Variants in PCDH15 observed in about 807,000 individuals in gnomAD.
PCDH15 encodes protocadherin related 15.
A neutral mutation model predicts 178.5 loss-of-function variants in PCDH15; 129 were observed. The observed-to-expected ratio is 0.72, with a 90% CI of 0.63 to 0.84. The LOEUF (loss-of-function observed/expected upper bound fraction) is 0.84, where lower values mean the gene tolerates loss of function less well. PCDH15 is among the 40% of genes least tolerant of loss of function. PCDH15 has a pLI of 0.00. For synonymous variants in PCDH15, 800 were observed against 732.0 expected (o/e 1.09, Z -1.50); for missense variants, 2,230 against 2,099.9 (o/e 1.06, Z -1.21).
chr10:55,414,630 C>A (rs954503259), intron 2 of PCDH15, among the ~76,000 whole-genome samples: 2 of 151,198 alleles, frequency 1.3e-5, no homozygotes, highest in Non-Finnish European at 3.0e-5. Context: ...ATATTTTATT[C>A]TTTTTGATGC....
intron 2 of PCDH15, among the ~76,000 whole-genome samples, chr10:55,507,796 G>A (rs148031394): frequency 4.6e-4 from 70 of 151,638 alleles, no homozygotes; most frequent in African/African-American, 1.6e-3. Flanking sequence ...ATAATGGTTC[G>A]TTGTGTGGAA....
At chr10:54,636,585 G>T (rs1187966811) in intron 2 of PCDH15, among the ~76,000 whole-genome samples, 2 of 151,858 alleles carry the variant, frequency 1.3e-5, no homozygotes, top group Admixed American at 6.6e-5. Flanking sequence ...ACATATAATA[G>T]CAAATGAAGT....
rs186487774 is a variant in PCDH15, at chr10:53,891,337, A to G, written c.3501+11906T>C. 3.5e-4 allele frequency among the ~76,000 whole-genome samples: 53 copies of G among 152,302 alleles called. No homozygotes were observed. In the East Asian group the frequency reaches 0.01, roughly 29 times the overall value. On this transcript the variant is annotated intron_variant, in intron 26 of 37. Transcript: ENST00000644397. ...ATGGAGGATGTGGCCTTTGAAACAT[A>G]ATATAGGAGAGTACACACAATCATC...
In PCDH15 at chr10:54,556,654, A is replaced by ATT. The variant is rs35389224; in HGVS notation, c.92-28779_92-28778dup. Among the ~76,000 whole-genome samples, 142 of 137,474 alleles carry ATT rather than the reference A, an allele frequency of 1.0e-3. No individual in the cohort carries two copies. In the Middle Eastern group the frequency reaches 0.016, roughly 15 times the overall value. 90.2% of individuals were successfully genotyped at this position (137,474 alleles called of 152,430 possible). On this transcript the variant is annotated intron_variant, in intron 2 of 37. Coordinates refer to ENST00000644397, the MANE Select transcript of PCDH15 (RefSeq NM_001384140.1). ...TTTTTTTTTCGGCTGTAGGGGGTGA[A>ATT]TTTTTTTTTTTTTTCAGTGAGAGCA... is the stretch of plus-strand genomic sequence containing the variant.
intron 1 of PCDH15, among the ~76,000 whole-genome samples, chr10:54,693,106 A>G (rs1323524311): frequency 6.6e-6 from 1 of 151,646 alleles, no homozygotes; most frequent in Non-Finnish European, 1.5e-5. Flanking sequence ...TTGTAGAGTA[A>G]CTCCCACTTA....
chr10:55,022,056 A>G (rs1045403851), intron 2 of PCDH15, among the ~76,000 whole-genome samples: 2 of 152,152 alleles, frequency 1.3e-5, no homozygotes, highest in African/African-American at 4.8e-5. Flanking sequence ...GGGGAATGGG[A>G]AGGTGTTGGT....
At chr10:55,306,384 C>T (rs1256259703) in intron 1 of PCDH15, among the ~76,000 whole-genome samples, 1 of 152,208 alleles carries the variant, frequency 6.6e-6, no homozygotes, top group Admixed American at 6.5e-5. Context: ...TCCTATCAAT[C>T]TTTCACCTCC....
At chr10:54,804,927 T>TATATATATATATATATATATATATATATA (rs1952750730), upstream of PCDH15, among the ~76,000 whole-genome samples, 12 of 50,844 alleles carry the variant, frequency 2.4e-4, 1 homozygote, top group East Asian at 1.9e-3. Context: ...TCATAGTAGA[T>TATATATATATATATATATATATATATATA]TATATATATA....
chr10:55,281,541 C>A (rs1025300912), intron 1 of PCDH15, among the ~76,000 whole-genome samples: 1 of 151,900 alleles, frequency 6.6e-6, no homozygotes, highest in African/African-American at 2.4e-5. Flanking sequence ...TCCGCCTACC[C>A]TTTTTATTGA....
In PCDH15 at chr10:54,292,462, T is replaced by C. The variant is rs548662266; in HGVS notation, c.876+24809A>G. ...CTCCTTTTCAACATAGTGTTGGAAG[T>C]TCTGGTCAGGCAAATCAGGCAAGAG... On this transcript the variant is annotated intron_variant, in intron 8 of 37. Transcript: ENST00000644397. Among the ~76,000 whole-genome samples the C allele has an allele frequency of 3.3e-5, 5 of 152,310 alleles. No homozygotes were observed. In the South Asian group the frequency reaches 1.0e-3, roughly 32 times the overall value.
At chr10:54,594,906 T>C (rs2092125952) in intron 2 of PCDH15, among the ~76,000 whole-genome samples, 1 of 152,144 alleles carries the variant, frequency 6.6e-6, no homozygotes, top group African/African-American at 2.4e-5. Flanking sequence ...AAACAGTGTA[T>C]CTACTCCCAT....
chr10:54,749,567 T>A (rs1945925587), intron 1 of PCDH15, among the ~76,000 whole-genome samples: 1 of 152,156 alleles, frequency 6.6e-6, no homozygotes, highest in Admixed American at 6.5e-5. Flanking sequence ...TCTCTTCAAA[T>A]TTGTTCCATA....
chr10:54,114,541 C>T (rs544032880), intron 15 of PCDH15, among the ~76,000 whole-genome samples: 7 of 152,158 alleles, frequency 4.6e-5, no homozygotes, highest in Admixed American at 1.3e-4. Flanking sequence ...AACAAACTCT[C>T]GGTGATTATG....
intron 2 of PCDH15, among the ~76,000 whole-genome samples, chr10:55,081,706 C>T (rs2132026259): frequency 6.6e-6 from 1 of 152,270 alleles, no homozygotes; most frequent in Admixed American, 6.5e-5. Flanking sequence ...TCCCCACAAA[C>T]CTAATATGCT....
chr10:54,339,320 C>A (rs1941793370), intron 6 of PCDH15, among the ~76,000 whole-genome samples: 1 of 151,526 alleles, frequency 6.6e-6, no homozygotes, highest in African/African-American at 2.4e-5. Flanking sequence ...TAGTTCAGTG[C>A]ATTATGAACA....
At chr10:54,033,600 A>C (rs982099207) in intron 18 of PCDH15, among the ~76,000 whole-genome samples, 3 of 151,922 alleles carry the variant, frequency 2.0e-5, no homozygotes, top group Non-Finnish European at 4.4e-5. Context: ...CTGAGCTTGT[A>C]CTCAATACTC....
intron 2 of PCDH15, among the ~76,000 whole-genome samples, chr10:55,507,529 GTTTTC>G (rs1237527756): frequency 3.3e-5 from 5 of 151,452 alleles, no homozygotes; most frequent in East Asian, 3.9e-4. Context: ...AGTAACTTGA[GTTTTC>G]TTTTCTTTTC....
At chr10:54,103,257 C>T (rs747519858) in intron 15 of PCDH15, among the ~76,000 whole-genome samples, 4 of 152,122 alleles carry the variant, frequency 2.6e-5, no homozygotes, top group Admixed American at 6.5e-5. Flanking sequence ...ATTAATTTCA[C>T]TTCTAGGAAC....
intron 3 of PCDH15, among the ~76,000 whole-genome samples, chr10:54,473,357 T>C (rs116851307): frequency 0.033 from 4,972 of 152,228 alleles, 136 homozygotes; most frequent in Non-Finnish European, 0.053. Context: ...CCTTGATAAA[T>C]GTTCTAGAAA....
Sources: allele counts gnomAD v4.1 joint callset (sites outside exome capture counted in the v4.1 genomes callset), GRCh38; gene constraint gnomAD v4.1.1; transcripts MANE v1.5; gene names NCBI Gene and HGNC (gene_info 2026-07-23, HGNC 2026-07-21).